The following VDAC1 variants were observed in gnomAD, a reference collection of about 807,000 sequenced individuals.
VDAC1 encodes non-selective voltage-gated ion channel VDAC1.
A neutral mutation model predicts 34.7 loss-of-function variants in VDAC1; 10 were observed. That is an observed-to-expected ratio of 0.29 (90% CI 0.18 to 0.49). VDAC1 has a LOEUF of 0.49. Ranked by LOEUF, VDAC1 falls within the 20% of genes least tolerant of loss-of-function variation. The probability of loss-of-function intolerance (pLI) is 0.99; values close to 1 mark genes in which losing one functional copy is unlikely to be tolerated. For missense variants in VDAC1, 230 were observed against 347.9 expected, an observed-to-expected ratio of 0.66 and a Z score of 2.69; for synonymous variants, 130 against 136.0, an observed-to-expected ratio of 0.96 and a Z score of 0.30.
At chr5:134,078,862 G>A in the VDAC1 span, among the ~76,000 whole-genome samples, 1 of 151,890 alleles carries the variant, frequency 6.6e-6, no homozygotes. Context: ...TGTTGGCCAG[G>A]CTGCTCTCAA....
Position 133,980,946 on chromosome 5 carries a change from C to A in VDAC1, c.334G>T (p.Ala112Ser). 1 of 1,613,770 alleles carries A rather than the reference C, an allele frequency of 6.2e-7. No homozygotes were observed. Among genetic ancestry groups the A allele is most frequent in the Non-Finnish European group, 8.5e-7 (1 of 1,179,882 alleles). The change falls in exon 6 of 9, where the codon GCT becomes TCT. Residue 112 changes from alanine (A) to serine (S), a missense_variant. Transcript: ENST00000265333. Reference protein sequence around the residue: ...SFSPNTGKKNAKIKTGYKREH... With the variant: ...SFSPNTGKKNSKIKTGYKREH... ...CGCTTGTACCCTGTCTTGATTTTAG[C>A]ATTTTTTTTCCTGAAGGAAAATAAG... is the stretch of plus-strand genomic sequence containing the variant.
chr5:134,027,620 A>G, the VDAC1 span, among the ~76,000 whole-genome samples: 3 of 152,196 alleles, frequency 2.0e-5, no homozygotes, highest in Admixed American at 1.3e-4. Flanking sequence ...GGTCTGAAGA[A>G]CGAGCCACCC....
At chr5:134,000,788 A>G (rs1753519904) in intron 1 of VDAC1, among the ~76,000 whole-genome samples, 1 of 152,200 alleles carries the variant, frequency 6.6e-6, no homozygotes, top group South Asian at 2.1e-4. Flanking sequence ...CTTGGTAAGC[A>G]GGGAATACAC....
At chr5:134,087,203 G>A in the VDAC1 span, among the ~76,000 whole-genome samples, 2 of 152,092 alleles carry the variant, frequency 1.3e-5, no homozygotes, top group Non-Finnish European at 2.9e-5. Flanking sequence ...GCTGGGGTTC[G>A]CGTCCCTCCT....
the VDAC1 span, among the ~76,000 whole-genome samples, chr5:134,074,826 G>C: frequency 6.6e-6 from 1 of 152,096 alleles, no homozygotes; most frequent in African/African-American, 2.4e-5. Flanking sequence ...GGGAGATTTG[G>C]TATTGATGGT....
chr5:134,107,700 G>C, the VDAC1 span, among the ~76,000 whole-genome samples: 1 of 152,210 alleles, frequency 6.6e-6, no homozygotes, highest in Non-Finnish European at 1.5e-5. Context: ...CTGGTCCTGA[G>C]CTCAGCCCTG....
chr5:134,065,818 G>A, the VDAC1 span, among the ~76,000 whole-genome samples: 1 of 122,710 alleles, frequency 8.1e-6, no homozygotes, highest in African/African-American at 3.2e-5. Context: ...TTTTGAGACG[G>A]GGTTTCACTC....
intron 5 of VDAC1, among the ~76,000 whole-genome samples, chr5:133,986,063 G>C (rs1752894623): frequency 6.6e-6 from 1 of 152,250 alleles, no homozygotes; most frequent in African/African-American, 2.4e-5. Flanking sequence ...TGTCTGTGGA[G>C]TCTTCCTCTT....
At chr5:134,077,017 C>A in the VDAC1 span, among the ~76,000 whole-genome samples, 1 of 151,986 alleles carries the variant, frequency 6.6e-6, no homozygotes, top group Admixed American at 6.6e-5. Context: ...GGTAGCTCAC[C>A]GCTGTAATCT....
At chr5:134,059,250 G>A in the VDAC1 span, among the ~76,000 whole-genome samples, 2 of 152,176 alleles carry the variant, frequency 1.3e-5, no homozygotes, top group East Asian at 1.9e-4. Context: ...ACCAGCCAAC[G>A]TGAGGCTCCC....
the VDAC1 span, among the ~76,000 whole-genome samples, chr5:134,011,893 G>A: frequency 6.6e-6 from 1 of 152,068 alleles, no homozygotes; most frequent in Non-Finnish European, 1.5e-5. Flanking sequence ...ACCCACTTCA[G>A]CCTCCCAAAG....
the VDAC1 span, among the ~76,000 whole-genome samples, chr5:134,047,733 T>C: frequency 6.6e-6 from 1 of 152,176 alleles, no homozygotes; most frequent in African/African-American, 2.4e-5. Context: ...TTGTGCAATG[T>C]AGAGATGGGC....
chr5:134,104,293 G>A, the VDAC1 span, among the ~76,000 whole-genome samples: 1 of 152,230 alleles, frequency 6.6e-6, no homozygotes, highest in Non-Finnish European at 1.5e-5. Flanking sequence ...GCCCCAAGAA[G>A]GGAGGTGACT....
At chr5:134,056,058 GTGAAACCCCA>G in the VDAC1 span, among the ~76,000 whole-genome samples, 1 of 151,796 alleles carries the variant, frequency 6.6e-6, no homozygotes, top group Non-Finnish European at 1.5e-5. Context: ...GGCCAATATG[GTGAAACCCCA>G]TCTCTACTAA....
intron 5 of VDAC1, 60 bp from the exon 6 acceptor site, chr5:133,981,016 CTTTTT>C: frequency 3.4e-6 from 4 of 1,186,052 alleles, no homozygotes; most frequent in Non-Finnish European, 4.7e-6. Context: ...TGCAAGTTGT[CTTTTT>C]TTTTTTTTTA....
At chr5:134,084,712 G>C in the VDAC1 span, among the ~76,000 whole-genome samples, 2 of 152,258 alleles carry the variant, frequency 1.3e-5, no homozygotes, top group Non-Finnish European at 2.9e-5. Flanking sequence ...ACAGAGCTGT[G>C]GTGGGGATTG....
the VDAC1 span, among the ~76,000 whole-genome samples, chr5:134,019,308 T>G: frequency 6.6e-6 from 1 of 152,178 alleles, no homozygotes; most frequent in Non-Finnish European, 1.5e-5. Context: ...CCAGCCACAG[T>G]AGCTCCCACC....
At chr5:134,071,664 GAAGTT>G in the VDAC1 span, among the ~76,000 whole-genome samples, 1 of 152,228 alleles carries the variant, frequency 6.6e-6, no homozygotes, top group African/African-American at 2.4e-5. This position sits in a 1 kb window ranked among gnomAD's most constrained non-coding sequence, Gnocchi z 4.1. Context: ...AAAGAAATGA[GAAGTT>G]AAGTTTTGAG....
At chr5:134,007,735 T>G (rs1344785196), upstream of VDAC1, among the ~76,000 whole-genome samples, 2 of 152,162 alleles carry the variant, frequency 1.3e-5, no homozygotes, top group East Asian at 3.8e-4. Context: ...CCTGTCGGTG[T>G]TGCGAAGTTA....
Sources: gnomAD v4.1 joint callset for allele counts (sites outside exome capture counted in the v4.1 genomes callset) on GRCh38, gnomAD v4.1.1 for gene constraint, Gnocchi (gnomAD v3.1) non-coding constraint, MANE v1.5 for transcripts, NCBI Gene and HGNC (gene_info 2026-07-23, HGNC 2026-07-21) for gene names.